Variants in NTM observed in about 807,000 individuals in gnomAD.
NTM encodes the protein neurotrimin, also known as IgLON family member 2.
NTM carries 13 observed loss-of-function variants against 42.1 expected under a neutral mutation model. The observed-to-expected ratio is 0.31, with a 90% CI of 0.20 to 0.49. The LOEUF (loss-of-function observed/expected upper bound fraction) is 0.49, where lower values mean the gene tolerates loss of function less well. NTM is among the 20% of genes least tolerant of loss of function. The pLI is 0.99. For synonymous variants in NTM, 187 were observed against 179.2 expected (o/e 1.04, Z -0.35); for missense variants, 373 against 452.8 (o/e 0.82, Z 1.60).
intron 1 of NTM, among the ~76,000 whole-genome samples, chr11:131,401,600 A>G (rs957404326): frequency 2.6e-5 from 4 of 151,498 alleles, no homozygotes; most frequent in South Asian, 4.2e-4. Flanking sequence ...TCTGTCTTCC[A>G]TTGGATATCC....
At chr11:131,650,675 G>A (rs1385502040) in intron 1 of NTM, among the ~76,000 whole-genome samples, 2 of 151,978 alleles carry the variant, frequency 1.3e-5, no homozygotes, top group Non-Finnish European at 2.9e-5. Flanking sequence ...CTCTGTTGAG[G>A]GATATAGGAA....
chr11:131,425,373 A>G (rs1385419073), intron 1 of NTM, among the ~76,000 whole-genome samples: 3 of 152,208 alleles, frequency 2.0e-5, no homozygotes, highest in African/African-American at 7.2e-5. Context: ...GTTTGGCTTC[A>G]GGTGCCTCAA....
intron 1 of NTM, among the ~76,000 whole-genome samples, chr11:131,482,736 A>G (rs1953738898): frequency 6.6e-6 from 1 of 152,230 alleles, no homozygotes; most frequent in South Asian, 2.1e-4. Flanking sequence ...ATAAGCTTTT[A>G]TGATGCAAAT....
intron 1 of NTM, among the ~76,000 whole-genome samples, chr11:131,725,841 G>A (rs944206688): frequency 2.0e-5 from 3 of 152,178 alleles, no homozygotes; most frequent in African/African-American, 4.8e-5. Context: ...AAACTTCAGC[G>A]TGAATCAGAA....
intron 1 of NTM, among the ~76,000 whole-genome samples, chr11:131,498,745 C>T (rs1016741429): frequency 6.6e-6 from 1 of 152,156 alleles, no homozygotes; most frequent in Non-Finnish European, 1.5e-5. Flanking sequence ...TTGGGAAGGG[C>T]TGGGGGGAAG....
chr11:131,471,066 C>T (rs149123542), intron 1 of NTM, among the ~76,000 whole-genome samples: 1 of 152,338 alleles, frequency 6.6e-6, no homozygotes, highest in Admixed American at 6.5e-5. Context: ...ATATTAGATG[C>T]TCAGTGAATT....
intron 2 of NTM, among the ~76,000 whole-genome samples, chr11:132,129,320 G>A (rs1181715294): frequency 6.6e-6 from 1 of 152,220 alleles, no homozygotes; most frequent in Non-Finnish European, 1.5e-5. Context: ...TTAGGGGATA[G>A]TTTTCCTGTG....
chr11:132,273,895 G>T (rs1487000004), intron 4 of NTM, among the ~76,000 whole-genome samples: 1 of 152,176 alleles, frequency 6.6e-6, no homozygotes, highest in East Asian at 1.9e-4. Flanking sequence ...CAATAAGAGT[G>T]AAACTCCATC....
intron 2 of NTM, among the ~76,000 whole-genome samples, chr11:131,966,735 C>G (rs1041225892): frequency 6.6e-6 from 1 of 152,114 alleles, no homozygotes; most frequent in African/African-American, 2.4e-5. Flanking sequence ...CTCAGGGACC[C>G]TCTCACCATG....
intron 1 of NTM, among the ~76,000 whole-genome samples, chr11:131,659,117 C>G (rs535720299): frequency 6.6e-6 from 1 of 152,194 alleles, no homozygotes; most frequent in Non-Finnish European, 1.5e-5. Context: ...GGGAAATATT[C>G]AAGGAACTGC....
rs572305264 is a variant in NTM, at chr11:132,299,341, T to G, written c.527-8348T>G. On this transcript the variant is annotated intron_variant, in intron 4 of 8. Coordinates refer to ENST00000683400, the MANE Select transcript of NTM (RefSeq NM_001352005.2). ...ACAAAAAATACTATTCATTTGCATT[T>G]CTAGCTTATGCAAAGGGTATAGTGA... is the stretch of plus-strand genomic sequence containing the variant. Among the ~76,000 whole-genome samples, 10 of 152,282 alleles carry G rather than the reference T, an allele frequency of 6.6e-5. No individual in the cohort carries two copies. The South Asian group carries it at 2.1e-3, about 32-fold the overall frequency.
At chr11:131,433,779 G>A (rs1410658913) in intron 1 of NTM, among the ~76,000 whole-genome samples, 15 of 151,982 alleles carry the variant, frequency 9.9e-5, no homozygotes, top group Admixed American at 9.8e-4. Context: ...GTTTTCTTAG[G>A]TATACAAGGT....
chr11:131,931,438 CAAAAAA>C (rs891595151), intron 2 of NTM, among the ~76,000 whole-genome samples: 12 of 143,036 alleles, frequency 8.4e-5, no homozygotes, highest in Admixed American at 2.8e-4. Flanking sequence ...GACAGTGCCT[CAAAAAA>C]AAAAATAATA....
intron 1 of NTM, among the ~76,000 whole-genome samples, chr11:131,521,256 A>G (rs905891032): frequency 1.3e-5 from 2 of 151,104 alleles, no homozygotes; most frequent in Non-Finnish European, 2.9e-5. Context: ...TGGAGGTTGC[A>G]GTGAGCCAAG....
intron 4 of NTM, among the ~76,000 whole-genome samples, chr11:132,227,592 C>A (rs1191764619): frequency 6.6e-6 from 1 of 151,984 alleles, no homozygotes; most frequent in Admixed American, 6.6e-5. Flanking sequence ...TGTTGTTCCT[C>A]CTCCTCAAAT....
intron 1 of NTM, among the ~76,000 whole-genome samples, chr11:131,524,490 A>G (rs1249370719): frequency 6.6e-6 from 1 of 152,242 alleles, no homozygotes; most frequent in Non-Finnish European, 1.5e-5. Flanking sequence ...ACTCATAGTC[A>G]TCTTTAATCC....
intron 2 of NTM, among the ~76,000 whole-genome samples, chr11:131,921,700 C>T (rs80301021): frequency 0.027 from 4,173 of 152,278 alleles, 236 homozygotes; most frequent in Admixed American, 0.15. Context: ...CACTGCAGTC[C>T]ACAGAGGAAG....
chr11:131,442,326 C>T (rs1477200231), intron 1 of NTM, among the ~76,000 whole-genome samples: 1 of 152,200 alleles, frequency 6.6e-6, no homozygotes, highest in Non-Finnish European at 1.5e-5. Context: ...TCACTGTCTT[C>T]ATCATCCTCC....
In NTM at chr11:131,680,925, C is replaced by G. The variant is rs1202077530; in HGVS notation, c.83-230639C>G. Among the ~76,000 whole-genome samples the G allele has an allele frequency of 1.7e-4, 4 of 23,762 alleles. 1 individual carries two copies. The highest frequency in any genetic ancestry group is 2.4e-4 in the Non-Finnish European group (3 of 12,390). 15.6% of individuals were successfully genotyped at this position (23,762 alleles called of 152,430 possible). On this transcript the variant is annotated intron_variant, in intron 1 of 8. Coordinates refer to ENST00000683400, the MANE Select transcript of NTM (RefSeq NM_001352005.2). Reference sequence around the variant, plus strand: ...TGTGTGAGCATGTGTGTTTCTGTGTCTGTATGTCTCCCTGTGTGTGTGAGC... The same window carrying G: ...TGTGTGAGCATGTGTGTTTCTGTGTGTGTATGTCTCCCTGTGTGTGTGAGC...
Sources: allele counts gnomAD v4.1 joint callset (sites outside exome capture counted in the v4.1 genomes callset), GRCh38; gene constraint gnomAD v4.1.1; transcripts MANE v1.5; gene names NCBI Gene and HGNC (gene_info 2026-07-23, HGNC 2026-07-21).